Variants in MMRN1 observed in about 807,000 individuals in gnomAD.
MMRN1 encodes multimerin 1.
A neutral mutation model predicts 100.7 loss-of-function variants in MMRN1; 94 were observed. The ratio of observed to expected loss-of-function variants is 0.93; its 90% CI spans 0.79 to 1.11. MMRN1 has a LOEUF of 1.11. MMRN1 is among the 50% of genes least tolerant of loss of function. The pLI is 0.00. For missense variants in MMRN1, 1,606 were observed against 1,439.1 expected (o/e 1.12, Z -1.88); for synonymous variants, 575 against 505.0 (o/e 1.14, Z -1.86).
intron 4 of MMRN1, among the ~76,000 whole-genome samples, chr4:89,923,955 A>G (rs1409993934): frequency 6.6e-6 from 1 of 152,198 alleles, no homozygotes; most frequent in Non-Finnish European, 1.5e-5. Context: ...TCCCTTAACA[A>G]TGGTGGTGTA....
chr4:89,891,734 A>G (rs1318626515), upstream of MMRN1, among the ~76,000 whole-genome samples: 2 of 151,988 alleles, frequency 1.3e-5, no homozygotes, highest in Non-Finnish European at 2.9e-5. Context: ...GTTTTCTTCT[A>G]TTATTTTTTG....
chr4:89,890,040 T>C (rs907218356), upstream of MMRN1, among the ~76,000 whole-genome samples: 2 of 151,918 alleles, frequency 1.3e-5, no homozygotes, highest in Non-Finnish European at 2.9e-5. Context: ...ACTCAGCTTT[T>C]GGAGAGCCAT....
At chr4:89,895,891 TGTTA>T (rs1313031191) in intron 1 of MMRN1, among the ~76,000 whole-genome samples, 2 of 152,202 alleles carry the variant, frequency 1.3e-5, no homozygotes, top group African/African-American at 4.8e-5. Context: ...CCACGGTGGC[TGTTA>T]GTTTAATTCA....
upstream of MMRN1, among the ~76,000 whole-genome samples, chr4:89,891,642 A>AT (rs1410295352): frequency 6.6e-6 from 1 of 152,166 alleles, no homozygotes; most frequent in East Asian, 1.9e-4. Flanking sequence ...CTGTATGTTG[A>AT]TAACCCCCTT....
intron 2 of MMRN1, 50 bp from the exon 3 acceptor site, chr4:89,911,893 AT>A: frequency 7.9e-7 from 1 of 1,259,920 alleles, no homozygotes. Context: ...CCGGCTGATA[AT>A]TTAATGTGAA....
chr4:89,911,736 A>G (rs1443737748), intron 2 of MMRN1, among the ~76,000 whole-genome samples: 3 of 151,410 alleles, frequency 2.0e-5, no homozygotes, highest in Non-Finnish European at 4.4e-5. Flanking sequence ...ACCAAATACC[A>G]TAACTAGTAA....
intron 6 of MMRN1, among the ~76,000 whole-genome samples, chr4:89,938,476 CATATATATATATATATATAT>C (rs372673572): frequency 3.2e-5 from 4 of 123,574 alleles, no homozygotes; most frequent in East Asian, 4.9e-4. Flanking sequence ...ATTTTTTAAA[CATATATATATATATATATAT>C]ATATATATAT....
chr4:89,895,960 A>G (rs1052064939), intron 1 of MMRN1, among the ~76,000 whole-genome samples: 3 of 152,174 alleles, frequency 2.0e-5, no homozygotes, highest in African/African-American at 7.2e-5. Context: ...ACAAAAATAA[A>G]CAAATAAATA....
In MMRN1 at chr4:89,935,806, G is replaced by A. The variant is rs369525805; in HGVS notation, c.2126G>A (p.Arg709His). Residue 709 changes from arginine to histidine, a missense_variant, in exon 6 of 8, where the codon CGT becomes CAT. Arg to His is a conservative substitution (Grantham distance 29, BLOSUM62 0). Transcript: ENST00000264790. ...TTACTTAGAAATGAAGTACAGGGTC[G>A]TGATGATGCCTTAGAAAGACGTATC... The part of the protein sequence containing the change: ...HNLLRNEVQG[R>H]DDALERRINE... The A allele has an allele frequency of 1.5e-5, 24 of 1,613,116 alleles. No individual in the cohort carries two copies. The highest frequency in any genetic ancestry group is 1.3e-4 in the Admixed American group (8 of 59,894).
upstream of MMRN1, among the ~76,000 whole-genome samples, chr4:89,891,729 C>A (rs746371804): frequency 4.6e-5 from 7 of 151,828 alleles, no homozygotes; most frequent in Non-Finnish European, 8.8e-5. Context: ...AATTTGTTTT[C>A]TTCTATTATT....
chr4:89,927,084 G>T (rs563631922), intron 4 of MMRN1, among the ~76,000 whole-genome samples: 2 of 151,566 alleles, frequency 1.3e-5, no homozygotes, highest in Admixed American at 1.3e-4. Context: ...TCCTTCAGTT[G>T]TTCTTTTTGC....
At position 89,909,164 on chromosome 4, in the gene MMRN1, G is replaced by A. The variant is rs1721660930; in HGVS notation, c.624-112G>A. The A allele has an allele frequency of 9.0e-6, 10 of 1,106,908 alleles. No homozygotes were observed. The Admixed American group carries it at 9.9e-5, about 11-fold the overall frequency. The allele number at this position is 1,106,908 out of a possible 1,614,324, so 68.6% of individuals were successfully genotyped here. ...TAAAGCTAAATAGCAATCTTACAAG[G>A]TTTCTGATCTATAGTATGGCAAAAA... On this transcript the variant is annotated intron_variant, in intron 1 of 7. Coordinates refer to ENST00000264790, the MANE Select transcript of MMRN1 (RefSeq NM_007351.3).
chr4:89,950,903 T>G (rs1373710538), intron 6 of MMRN1, among the ~76,000 whole-genome samples: 1 of 151,888 alleles, frequency 6.6e-6, no homozygotes, highest in East Asian at 1.9e-4. Context: ...CTTTTCAGAG[T>G]TTTTCATATG....
intron 3 of MMRN1, among the ~76,000 whole-genome samples, chr4:89,922,605 A>G (rs1722124764): frequency 6.6e-6 from 1 of 152,110 alleles, no homozygotes; most frequent in African/African-American, 2.4e-5. Flanking sequence ...TTACCAGTTG[A>G]TTTGCTTGAA....
chr4:89,936,123 C>T lies in MMRN1; in HGVS notation c.2443C>T (p.Leu815=). 6.2e-7 allele frequency: 1 copy of T among 1,612,524 alleles called. No individual in the cohort carries two copies. The highest frequency in any genetic ancestry group is 8.5e-7 in the Non-Finnish European group (1 of 1,179,564). Residue 815 remains leucine (L), a synonymous_variant, in exon 6 of 8, where the codon CTA becomes TTA. Coordinates refer to ENST00000264790, the MANE Select transcript of MMRN1 (RefSeq NM_007351.3). The part of the protein sequence containing the change: ...TLAGIPRDEK[L]NQSNFQKMYQ... ...TGCAGGTATTCCCAGAGATGAGAAA[C>T]TAAATCAGTCCAACTTCCAAAAGAT... is the stretch of plus-strand genomic sequence containing the variant.
At chr4:89,899,624 A>T (rs1026752249) in intron 1 of MMRN1, among the ~76,000 whole-genome samples, 2 of 152,106 alleles carry the variant, frequency 1.3e-5, no homozygotes, top group Non-Finnish European at 2.9e-5. Context: ...GTAATGATAC[A>T]ATCTAACTGC....
chr4:89,891,096 C>T (rs184325576), upstream of MMRN1, among the ~76,000 whole-genome samples: 16 of 151,922 alleles, frequency 1.1e-4, no homozygotes, highest in South Asian at 6.2e-4. Context: ...GTGGCTGTGA[C>T]GGCTTCAAAA....
intron 1 of MMRN1, among the ~76,000 whole-genome samples, chr4:89,896,377 G>A (rs1472803549): frequency 6.6e-6 from 1 of 152,026 alleles, no homozygotes; most frequent in East Asian, 1.9e-4. Flanking sequence ...AATTTGAGTG[G>A]TTGAAATAAA....
intron 3 of MMRN1, among the ~76,000 whole-genome samples, chr4:89,913,317 AGTTT>A (rs1438732758): frequency 7.9e-5 from 12 of 151,336 alleles, no homozygotes; most frequent in African/African-American, 2.9e-4. Context: ...TGATGATTCA[AGTTT>A]GTTTGCAGAG....
Sources: gnomAD v4.1 joint callset for allele counts (sites outside exome capture counted in the v4.1 genomes callset) on GRCh38, gnomAD v4.1.1 for gene constraint, MANE v1.5 for transcripts, NCBI Gene and HGNC (gene_info 2026-07-23, HGNC 2026-07-21) for gene names.